Variants in ANO10 observed in about 807,000 individuals in gnomAD.
The protein encoded by ANO10 is anoctamin-10.
ANO10 carries 77 observed loss-of-function variants against 74.7 expected under a neutral mutation model. That is an observed-to-expected ratio of 1.03 (90% CI 0.86 to 1.25). The LOEUF (loss-of-function observed/expected upper bound fraction) is 1.25. Ranked by LOEUF, ANO10 falls within the 50% of genes most tolerant of loss-of-function variation. The probability of loss-of-function intolerance (pLI) is 0.00; values close to 1 mark genes in which losing one functional copy is unlikely to be tolerated. For missense variants in ANO10, 721 were observed against 778.1 expected, an observed-to-expected ratio of 0.93 and a Z score of 0.87; for synonymous variants, 279 against 284.9, an observed-to-expected ratio of 0.98 and a Z score of 0.21.
At chr3:43,540,545 C>T (rs2078909095) in intron 11 of ANO10, among the ~76,000 whole-genome samples, 1 of 152,190 alleles carries the variant, frequency 6.6e-6, no homozygotes, top group Non-Finnish European at 1.5e-5. Context: ...TATTTTAGCA[C>T]ACACTTTTCA....
At chr3:43,553,006 C>T (rs912925246) in intron 10 of ANO10, among the ~76,000 whole-genome samples, 1 of 151,988 alleles carries the variant, frequency 6.6e-6, no homozygotes, top group African/African-American at 2.4e-5. Context: ...GTTGGTCAGG[C>T]TAGTCTCAAA....
intron 11 of ANO10, among the ~76,000 whole-genome samples, chr3:43,517,044 T>C (rs1575321012): frequency 6.6e-6 from 1 of 152,164 alleles, no homozygotes; most frequent in South Asian, 2.1e-4. Flanking sequence ...AGCTATGCTA[T>C]AAGAACAGCT....
intron 11 of ANO10, among the ~76,000 whole-genome samples, chr3:43,516,686 C>T (rs1339758758): frequency 2.6e-5 from 4 of 152,118 alleles, no homozygotes; most frequent in African/African-American, 7.2e-5. Context: ...TGGCCTGGTG[C>T]AAGGCTGATA....
At position 43,572,706 on chromosome 3, in the gene ANO10, G is replaced by A. The variant is rs2080796646; in HGVS notation, c.1218+2103C>T. Among the ~76,000 whole-genome samples the A allele has an allele frequency of 2.0e-5, 3 of 152,288 alleles. No homozygotes were observed. The South Asian group carries it at 6.2e-4, about 32-fold the overall frequency. On this transcript the variant is annotated intron_variant, in intron 7 of 12. Transcript: ENST00000292246. Reference sequence around the variant, plus strand: ...TATAGCTTACTTCCTGCACCAATGGGTTTCCTTTCTGCCTCCCAGCCCCCA... The same window carrying A: ...TATAGCTTACTTCCTGCACCAATGGATTTCCTTTCTGCCTCCCAGCCCCCA...
At chr3:43,673,501 G>C (rs1353866258) in intron 1 of ANO10, among the ~76,000 whole-genome samples, 1 of 152,078 alleles carries the variant, frequency 6.6e-6, no homozygotes, top group Non-Finnish European at 1.5e-5. Flanking sequence ...TTTTGCTCTT[G>C]GAAACTCTAA....
rs375134928 is a variant in ANO10, at chr3:43,518,388, G to A, written c.1797+31332C>T. Reference sequence around the variant, plus strand: ...TCTTCGTAAATTGAGGATGTATGTCGCCTCAGGATCCTGTGATGATTGCGT... The same window carrying A: ...TCTTCGTAAATTGAGGATGTATGTCACCTCAGGATCCTGTGATGATTGCGT... On this transcript the variant is annotated intron_variant, in intron 11 of 12. Coordinates refer to ENST00000292246, the MANE Select transcript of ANO10 (RefSeq NM_018075.5). 1.2e-3 allele frequency among the ~76,000 whole-genome samples: 190 copies of A among 152,068 alleles called. 1 individual carries two copies. Among genetic ancestry groups the A allele is most frequent in the African/African-American group, 4.4e-3 (181 of 41,460 alleles).
At chr3:43,552,191 T>C (rs2079494684) in intron 10 of ANO10, among the ~76,000 whole-genome samples, 2 of 152,184 alleles carry the variant, frequency 1.3e-5, no homozygotes, top group South Asian at 4.1e-4. Context: ...ACAGAAACCT[T>C]ACCTCCCTCT....
intron 11 of ANO10, among the ~76,000 whole-genome samples, chr3:43,488,054 A>C (rs2076567895): frequency 6.6e-6 from 1 of 152,150 alleles, no homozygotes; most frequent in Non-Finnish European, 1.5e-5. Context: ...ACCTGACAAA[A>C]ACAAGCAATG....
intron 11 of ANO10, among the ~76,000 whole-genome samples, chr3:43,495,638 G>T (rs1290232173): frequency 5.3e-5 from 8 of 152,096 alleles, no homozygotes; most frequent in Admixed American, 1.3e-4. Flanking sequence ...CTTTCTCAAT[G>T]CTGGTCAGGA....
intron 11 of ANO10, among the ~76,000 whole-genome samples, chr3:43,531,431 A>G (rs553829943): frequency 6.6e-6 from 1 of 152,326 alleles, no homozygotes; most frequent in African/African-American, 2.4e-5. Flanking sequence ...AAAGTTCTCT[A>G]TCTTCTAATG....
intron 11 of ANO10, among the ~76,000 whole-genome samples, chr3:43,502,715 C>T (rs1028482822): frequency 4.6e-5 from 7 of 152,196 alleles, no homozygotes; most frequent in Admixed American, 4.6e-4. Flanking sequence ...AATGGATAAG[C>T]AAAATGCAGT....
intron 11 of ANO10, among the ~76,000 whole-genome samples, chr3:43,449,305 A>G (rs979478514): frequency 1.3e-5 from 2 of 152,164 alleles, no homozygotes; most frequent in African/African-American, 2.4e-5. Flanking sequence ...TTTTGCAGAG[A>G]ATAACTTTTT....
chr3:43,680,915 G>C (rs534662830), intron 1 of ANO10, among the ~76,000 whole-genome samples: 18 of 152,252 alleles, frequency 1.2e-4, no homozygotes, highest in African/African-American at 3.9e-4. Context: ...CCCTAAAAGA[G>C]CTCCTGAAGG....
chr3:43,493,117 A>T (rs1017980676), intron 11 of ANO10, among the ~76,000 whole-genome samples: 1 of 152,260 alleles, frequency 6.6e-6, no homozygotes, highest in Non-Finnish European at 1.5e-5. Context: ...ATAAAAAAGG[A>T]TGAGTTCATG....
chr3:43,484,924 G>A (rs2076409975), intron 11 of ANO10: 1 of 748,844 alleles, frequency 1.3e-6, no homozygotes, highest in Admixed American at 2.8e-5. Flanking sequence ...TTTTTCACCG[G>A]GGCGTTCCTG....
At chr3:43,568,773 G>A (rs1236446294) in intron 7 of ANO10, among the ~76,000 whole-genome samples, 3 of 143,820 alleles carry the variant, frequency 2.1e-5, no homozygotes, top group African/African-American at 7.9e-5. Flanking sequence ...ACAATTAAAA[G>A]AACTAGAAAA....
chr3:43,394,598 G>A (rs994702788), intron 12 of ANO10, among the ~76,000 whole-genome samples: 6 of 152,130 alleles, frequency 3.9e-5, no homozygotes, highest in Non-Finnish European at 7.3e-5. Context: ...CAACAACAAC[G>A]CCCTTACACT....
intron 1 of ANO10, among the ~76,000 whole-genome samples, chr3:43,644,121 G>A (rs572201304): frequency 6.6e-6 from 1 of 152,210 alleles, no homozygotes; most frequent in African/African-American, 2.4e-5. Flanking sequence ...TTTGCTGAAT[G>A]TTGAAAAGGC....
intron 11 of ANO10, among the ~76,000 whole-genome samples, chr3:43,545,537 T>C (rs1197767231): frequency 6.6e-6 from 1 of 152,152 alleles, no homozygotes; most frequent in Non-Finnish European, 1.5e-5. Flanking sequence ...GGCTAATTTT[T>C]GTATTTTTAG....
Sources: allele counts gnomAD v4.1 joint callset (sites outside exome capture counted in the v4.1 genomes callset), GRCh38; gene constraint gnomAD v4.1.1; transcripts MANE v1.5; gene names NCBI Gene and HGNC (gene_info 2026-07-23, HGNC 2026-07-21).